Variants in AMELX observed in about 807,000 individuals in gnomAD.
The protein encoded by AMELX is amelogenin, X isoform.
AMELX carries 9 observed loss-of-function variants against 15.8 expected under a neutral mutation model. The ratio of observed to expected loss-of-function variants is 0.57; its 90% CI spans 0.34 to 0.99. The LOEUF is 0.99. AMELX is among the 50% of genes least tolerant of loss of function. AMELX has a pLI of 0.02. For synonymous variants in AMELX, 61 were observed against 58.8 expected (o/e 1.04, Z -0.17); for missense variants, 107 against 156.2 (o/e 0.68, Z 1.68).
In AMELX at chrX:11,298,551, C is replaced by G; in HGVS notation, c.148C>G (p.Pro50Ala). The change falls in exon 5 of 6, where the codon CCT (proline) becomes GCT (alanine). Residue 50 changes from proline (P) to alanine (A), a missense_variant. Transcript: ENST00000380714. ...CTGCCTCTCTGTTTCTCACCAGTAC[C>G]CTTCCTATGGTTACGAGCCCATGGG... The part of the protein sequence containing the change: ...KWYQSIRPPY[P>A]SYGYEPMGGW... 8.3e-7 allele frequency: 1 copy of G among 1,211,384 alleles called. No individual in the cohort carries two copies. The highest frequency in any genetic ancestry group is 1.1e-6 in the Non-Finnish European group (1 of 895,460).
At chrX:11,293,602 C>T (rs773760898) in intron 1 of AMELX, 134 bp downstream of exon 1, 2 of 111,206 alleles carry the variant, frequency 1.8e-5, no homozygotes, top group Admixed American at 9.6e-5. Flanking sequence ...TTTAGTTGGC[C>T]CATAATTAAA....
chrX:11,296,680 A>T, intron 2 of AMELX, 99 bp from the exon 3 acceptor site: 1 of 966,902 alleles, frequency 1.0e-6, no homozygotes, highest in Non-Finnish European at 1.5e-6. Context: ...CTTTAATGTG[A>T]ACAATTGCAT....
chrX:11,296,429 T>C (rs1293046921), intron 2 of AMELX, among the ~76,000 whole-genome samples: 1 of 111,438 alleles, frequency 9.0e-6, no homozygotes, highest in Non-Finnish European at 1.9e-5. Context: ...GTAGGATTCA[T>C]TGAAAACACT....
the AMELX span, among the ~76,000 whole-genome samples, chrX:11,306,942 A>G: frequency 8.9e-6 from 1 of 111,806 alleles, no homozygotes; most frequent in African/African-American, 3.3e-5. Flanking sequence ...AGCTACAAAC[A>G]TAGGCAAGTA....
chrX:11,308,462 G>A, the AMELX span, among the ~76,000 whole-genome samples: 3 of 111,772 alleles, frequency 2.7e-5, no homozygotes, highest in Admixed American at 9.5e-5. Context: ...GCTGCATGGA[G>A]TGGCCACAGG....
downstream of AMELX, among the ~76,000 whole-genome samples, chrX:11,303,366 C>A (rs886579530): frequency 1.8e-5 from 2 of 112,264 alleles, no homozygotes; most frequent in South Asian, 7.4e-4. Context: ...AAACACCTGA[C>A]TCTTCCAGAC....
chrX:11,297,834 G>T, intron 3 of AMELX, among the ~76,000 whole-genome samples: 1 of 112,138 alleles, frequency 8.9e-6, no homozygotes, highest in Middle Eastern at 4.7e-3. Flanking sequence ...TTAACATCAT[G>T]TCATATTATT....
intron 1 of AMELX, among the ~76,000 whole-genome samples, chrX:11,294,211 G>A (rs1474240322): frequency 8.9e-6 from 1 of 112,061 alleles, no homozygotes; most frequent in African/African-American, 3.2e-5. Flanking sequence ...GGAGCTCAGA[G>A]ATGTTACTGG....
intron 2 of AMELX, among the ~76,000 whole-genome samples, chrX:11,295,992 C>T (rs1249137889): frequency 3.6e-5 from 4 of 112,023 alleles, no homozygotes; most frequent in Non-Finnish European, 7.5e-5. Flanking sequence ...GACAGACAGT[C>T]CTGATTCAGA....
At chrX:11,304,212 C>T (rs2048207340), downstream of AMELX, among the ~76,000 whole-genome samples, 1 of 110,326 alleles carries the variant, frequency 9.1e-6, no homozygotes. Flanking sequence ...GCCTCAGCCT[C>T]CCAAGTAGAG....
At chrX:11,298,517 A>G in intron 4 of AMELX, 31 bp from the exon 5 acceptor site, 2 of 1,210,693 alleles carry the variant, frequency 1.7e-6, no homozygotes, top group Non-Finnish European at 2.2e-6. Flanking sequence ...ACCTGAGCCA[A>G]TGGTAAACCT....
intron 5 of AMELX, 117 bp from the exon 6 acceptor site, chrX:11,300,490 C>T (rs889097470): frequency 1.5e-5 from 9 of 596,450 alleles, no homozygotes; most frequent in Non-Finnish European, 2.4e-5. Context: ...TTATAGAGTT[C>T]AACTTAAATG....
At chrX:11,303,302 T>C (rs1330775961), downstream of AMELX, among the ~76,000 whole-genome samples, 1 of 112,546 alleles carries the variant, frequency 8.9e-6, no homozygotes, top group Non-Finnish European at 1.9e-5. Flanking sequence ...AGGCCGACAT[T>C]TAGATATTAA....
chrX:11,301,997 G>A (rs1279347595), downstream of AMELX, among the ~76,000 whole-genome samples: 4 of 112,138 alleles, frequency 3.6e-5, no homozygotes, highest in Admixed American at 1.9e-4. Context: ...ATTCAGATAC[G>A]TAGTGTGATA....
In AMELX at chrX:11,296,837, T is replaced by C. The variant is rs1261919897; in HGVS notation, c.102+11T>C. 8.3e-7 allele frequency: 1 copy of C among 1,208,804 alleles called. No individual in the cohort carries two copies. The highest frequency in any genetic ancestry group is 2.2e-5 in the Admixed American group (1 of 46,034). On this transcript the variant is annotated intron_variant, in intron 3 of 5. Transcript: ENST00000380714. Reference sequence around the variant, plus strand: ...AACTTCAGCTATGAGGTAATTTTTCTCTTTACTAATTTTGACCATTGTTTG... The same window carrying C: ...AACTTCAGCTATGAGGTAATTTTTCCCTTTACTAATTTTGACCATTGTTTG...
chrX:11,309,587 G>A, the AMELX span, among the ~76,000 whole-genome samples: 2 of 111,137 alleles, frequency 1.8e-5, no homozygotes, highest in African/African-American at 3.3e-5. Context: ...TTAAAAAGTT[G>A]AGATAAATGA....
At chrX:11,303,808 T>C (rs1015450565), downstream of AMELX, among the ~76,000 whole-genome samples, 23 of 111,633 alleles carry the variant, frequency 2.1e-4, no homozygotes, top group African/African-American at 7.2e-4. Flanking sequence ...ATCATGACCA[T>C]TGCCTATCTG....
downstream of AMELX, among the ~76,000 whole-genome samples, chrX:11,304,688 C>T (rs149847961): frequency 3.1e-3 from 338 of 109,073 alleles, 2 homozygotes; most frequent in African/African-American, 0.011. Context: ...TGTACAGTGA[C>T]TCCCAACTCA....
the AMELX span, among the ~76,000 whole-genome samples, chrX:11,308,694 T>C: frequency 8.9e-6 from 1 of 112,010 alleles, no homozygotes; most frequent in Non-Finnish European, 1.9e-5. Context: ...TGGCAATGCC[T>C]GATTCACTCT....
Sources: allele counts gnomAD v4.1 joint callset (sites outside exome capture counted in the v4.1 genomes callset), GRCh38; gene constraint gnomAD v4.1.1; transcripts MANE v1.5; gene names NCBI Gene and HGNC (gene_info 2026-07-23, HGNC 2026-07-21).